The following ITGBL1 variants were observed in gnomAD, a reference collection of about 807,000 sequenced individuals.
The protein encoded by ITGBL1 is integrin subunit beta like 1.
ITGBL1 carries 51 observed loss-of-function variants against 68.5 expected under a neutral mutation model. The observed-to-expected ratio is 0.74, with a 90% confidence interval of 0.59 to 0.94. The LOEUF (loss-of-function observed/expected upper bound fraction) is 0.94. ITGBL1 is among the 40% of genes least tolerant of loss of function. The pLI is 0.00. For missense variants in ITGBL1, 649 were observed against 647.4 expected, an observed-to-expected ratio of 1.00 and a Z score of -0.03; for synonymous variants, 209 against 227.3, an observed-to-expected ratio of 0.92 and a Z score of 0.72.
At chr13:101,634,249 T>C (rs563290817) in intron 7 of ITGBL1, among the ~76,000 whole-genome samples, 16 of 152,116 alleles carry the variant, frequency 1.1e-4, no homozygotes, top group Non-Finnish European at 4.4e-5. Context: ...TTTCTTGGAG[T>C]AAATGAACTG....
At chr13:101,582,451 G>C (rs971647192) in intron 5 of ITGBL1, among the ~76,000 whole-genome samples, 1 of 152,056 alleles carries the variant, frequency 6.6e-6, no homozygotes, top group African/African-American at 2.4e-5. Context: ...TGATTAGCTG[G>C]TTGCCCTAAA....
chr13:101,532,689 G>A (rs2049504926), intron 2 of ITGBL1, among the ~76,000 whole-genome samples: 1 of 152,142 alleles, frequency 6.6e-6, no homozygotes, highest in African/African-American at 2.4e-5. Flanking sequence ...CCATTGCCTT[G>A]CAAAGTCTTT....
chr13:101,714,912 A>G (rs78900491), intron 10 of ITGBL1: 2,819 of 219,238 alleles, frequency 0.013, 93 homozygotes, highest in African/African-American at 0.061. Flanking sequence ...TCTTTTAAAC[A>G]GAATCTGGGT....
At chr13:101,489,575 T>G (rs866263866) in intron 2 of ITGBL1, among the ~76,000 whole-genome samples, 1 of 152,180 alleles carries the variant, frequency 6.6e-6, no homozygotes, top group African/African-American at 2.4e-5. Context: ...ATATCAGATA[T>G]ATGGTTAGAA....
intron 7 of ITGBL1, among the ~76,000 whole-genome samples, chr13:101,666,356 G>T (rs192458012): frequency 6.6e-6 from 1 of 152,178 alleles, no homozygotes; most frequent in Admixed American, 6.5e-5. Flanking sequence ...ACTTGGGACC[G>T]CACTGGTTTA....
intron 7 of ITGBL1, 95 bp downstream of exon 7, chr13:101,598,394 T>C: frequency 9.4e-7 from 1 of 1,062,700 alleles, no homozygotes; most frequent in Non-Finnish European, 1.2e-6. Context: ...GTTTGTTTTT[T>C]GTTTTCTGCT....
chr13:101,569,336 G>C (rs1165834678), intron 3 of ITGBL1, among the ~76,000 whole-genome samples: 1 of 151,900 alleles, frequency 6.6e-6, no homozygotes, highest in Non-Finnish European at 1.5e-5. Flanking sequence ...TTAATATTAA[G>C]GAATCTAAAC....
At chr13:101,707,710 A>G (rs935696071) in intron 9 of ITGBL1, among the ~76,000 whole-genome samples, 3 of 151,752 alleles carry the variant, frequency 2.0e-5, no homozygotes, top group African/African-American at 7.3e-5. Flanking sequence ...AAAATTAGCC[A>G]GGCATTGTGG....
At chr13:101,638,808 A>G (rs2032262524) in intron 7 of ITGBL1, among the ~76,000 whole-genome samples, 1 of 152,198 alleles carries the variant, frequency 6.6e-6, no homozygotes, top group Non-Finnish European at 1.5e-5. Flanking sequence ...CAGCCAAACC[A>G]TATCACTATT....
intron 5 of ITGBL1, among the ~76,000 whole-genome samples, chr13:101,579,660 C>T (rs540080471): frequency 6.6e-6 from 1 of 152,274 alleles, no homozygotes; most frequent in South Asian, 2.1e-4. Context: ...ACTGAATAAA[C>T]AGTTAACTTA....
At chr13:101,629,124 C>T (rs561724779) in intron 7 of ITGBL1, among the ~76,000 whole-genome samples, 5 of 152,106 alleles carry the variant, frequency 3.3e-5, no homozygotes, top group East Asian at 3.9e-4. Flanking sequence ...GCTACCATGC[C>T]GTTTTTCTAT....
At chr13:101,690,473 C>G (rs2033859123) in intron 7 of ITGBL1, among the ~76,000 whole-genome samples, 1 of 152,132 alleles carries the variant, frequency 6.6e-6, no homozygotes, top group Non-Finnish European at 1.5e-5. Context: ...CATTGCCCCT[C>G]AGGAATAATG....
At position 101,452,879 on chromosome 13, in the gene ITGBL1, C is replaced by T. The variant is rs984374323; in HGVS notation, c.46C>T (p.Leu16Phe). ...GAACTTCTTGCTGCTGGCGTCCTCC[C>T]TTCTCTTTGCTGGGTTGTCAGCTGT... is the stretch of plus-strand genomic sequence containing the variant. ...FRNFLLLASS[L>F]LFAGLSAVPQ... The change falls in exon 1 of 11, where the codon CTT becomes TTT. Residue 16 changes from leucine to phenylalanine, a missense_variant. Leu to Phe is a conservative substitution (Grantham distance 22, BLOSUM62 0). Coordinates refer to ENST00000376180, the MANE Select transcript of ITGBL1 (RefSeq NM_004791.3). 4.3e-6 allele frequency: 7 copies of T among 1,614,088 alleles called. No individual in the cohort carries two copies. In the Admixed American group the frequency reaches 1.0e-4, roughly 23 times the overall value.
intron 2 of ITGBL1, among the ~76,000 whole-genome samples, chr13:101,523,951 G>A (rs2049328961): frequency 6.6e-6 from 1 of 152,096 alleles, no homozygotes; most frequent in Non-Finnish European, 1.5e-5. Context: ...GACCACGTCT[G>A]TTTTTGTAGA....
intron 6 of ITGBL1, among the ~76,000 whole-genome samples, chr13:101,589,013 G>A (rs887991163): frequency 1.3e-5 from 2 of 152,056 alleles, no homozygotes; most frequent in African/African-American, 4.8e-5. Context: ...ATATCACAAA[G>A]GATTTTGTAG....
chr13:101,652,013 C>G (rs950142409), intron 7 of ITGBL1, among the ~76,000 whole-genome samples: 1 of 152,132 alleles, frequency 6.6e-6, no homozygotes, highest in Non-Finnish European at 1.5e-5. Context: ...GTTCTCTATT[C>G]TGTTGCATTG....
chr13:101,597,982 A>C (rs567653137), intron 6 of ITGBL1, among the ~76,000 whole-genome samples, 171 bp from the exon 7 acceptor site: 25 of 152,196 alleles, frequency 1.6e-4, no homozygotes, highest in Non-Finnish European at 3.5e-4. Flanking sequence ...AGATCAATTC[A>C]TATAAGTCAG....
intron 8 of ITGBL1, among the ~76,000 whole-genome samples, chr13:101,704,179 C>T (rs2034200441): frequency 6.6e-6 from 1 of 152,164 alleles, no homozygotes; most frequent in African/African-American, 2.4e-5. Context: ...TCCCCTAGCC[C>T]ACTCTTTCAC....
At chr13:101,642,024 C>T (rs528647090) in intron 7 of ITGBL1, among the ~76,000 whole-genome samples, 19 of 152,002 alleles carry the variant, frequency 1.2e-4, no homozygotes, top group East Asian at 9.7e-4. Context: ...AATAAACATA[C>T]GTGTGCATGT....
Sources: gnomAD v4.1 joint callset for allele counts (sites outside exome capture counted in the v4.1 genomes callset) on GRCh38, gnomAD v4.1.1 for gene constraint, MANE v1.5 for transcripts, NCBI Gene and HGNC (gene_info 2026-07-23, HGNC 2026-07-21) for gene names.